The following PDZD2 variants were observed in gnomAD, a reference collection of about 807,000 sequenced individuals.
PDZD2 encodes the protein PDZ domain containing 2, also known as PDZ domain-containing protein 2.
In PDZD2, 90 loss-of-function variants were observed where a neutral mutation model predicts 220.7. The ratio of observed to expected loss-of-function variants is 0.41; its 90% CI spans 0.34 to 0.49. PDZD2 has a LOEUF of 0.49. Among genes scored for constraint, PDZD2 ranks in the 20% least tolerant of loss-of-function variants. The pLI is 0.28. For synonymous variants in PDZD2, 1,375 were observed against 1,450.5 expected (o/e 0.95, Z 1.18); for missense variants, 3,174 against 3,608.5 (o/e 0.88, Z 3.08).
chr5:31,905,102 G>A (rs776201181), intron 2 of PDZD2, among the ~76,000 whole-genome samples: 1 of 152,028 alleles, frequency 6.6e-6, no homozygotes, highest in African/African-American at 2.4e-5. Context: ...TGGAGTAGCT[G>A]GGATTACAGG....
At chr5:32,003,966 C>T (rs1049809487) in intron 5 of PDZD2, among the ~76,000 whole-genome samples, 3 of 152,158 alleles carry the variant, frequency 2.0e-5, no homozygotes, top group African/African-American at 4.8e-5. Context: ...CCCACCTTGG[C>T]CTCCCAAAGT....
chr5:32,005,450 TCG>T (rs1752719796), intron 5 of PDZD2, among the ~76,000 whole-genome samples: 1 of 139,402 alleles, frequency 7.2e-6, no homozygotes, highest in African/African-American at 2.7e-5. Context: ...GATCTCTTGC[TCG>T]CTTTTTTGCT....
chr5:31,688,761 G>T (rs1014109660), intron 1 of PDZD2, among the ~76,000 whole-genome samples: 15 of 152,140 alleles, frequency 9.9e-5, no homozygotes, highest in African/African-American at 3.4e-4. Context: ...AAGAGTGAAT[G>T]AATATACTGC....
At chr5:31,903,335 A>T (rs982812743) in intron 2 of PDZD2, among the ~76,000 whole-genome samples, 3 of 151,904 alleles carry the variant, frequency 2.0e-5, no homozygotes, top group African/African-American at 7.2e-5. Flanking sequence ...AAATATTATT[A>T]TGTAATCTAG....
At chr5:32,020,301 C>A (rs1754097949) in intron 6 of PDZD2, among the ~76,000 whole-genome samples, 1 of 152,126 alleles carries the variant, frequency 6.6e-6, no homozygotes, top group African/African-American at 2.4e-5. Context: ...CCACCATGCC[C>A]AGCCAAAATA....
chr5:31,918,569 G>A (rs4867397), intron 2 of PDZD2, among the ~76,000 whole-genome samples: 140,659 of 152,132 alleles, frequency 0.92, 65,212 homozygotes, highest in East Asian at 0.98. Context: ...TTCTTTTTAA[G>A]TAGTATGGTT....
At chr5:31,689,336 C>T (rs1299695839) in intron 1 of PDZD2, among the ~76,000 whole-genome samples, 1,127 of 54,712 alleles carry the variant, frequency 0.021, 157 homozygotes, top group Middle Eastern at 0.12. Context: ...TATACATATA[C>T]ATATATATAT....
Position 31,879,911 on chromosome 5 carries a change from C to CTTT in PDZD2, c.476+80204_476+80206dup, listed in dbSNP as rs568407359. 9.4e-3 allele frequency among the ~76,000 whole-genome samples: 1,164 copies of CTTT among 124,148 alleles called. 38 individuals are homozygous for CTTT. The highest frequency in any genetic ancestry group is 0.034 in the African/African-American group (1,094 of 31,918). 81.4% of individuals were successfully genotyped at this position (124,148 alleles called of 152,430 possible). ...TTACAGTTTTCTTAGCAATACCTGCCTTTTTTTTTTTTTTTTTTTAACACG... is the reference window on the plus strand; with the variant it reads ...TTACAGTTTTCTTAGCAATACCTGCCTTTTTTTTTTTTTTTTTTTTTTAACACG... On this transcript the variant is annotated intron_variant, in intron 2 of 24. Coordinates refer to ENST00000438447, the MANE Select transcript of PDZD2 (RefSeq NM_178140.4).
At chr5:31,667,904 C>T (rs1176715145) in intron 1 of PDZD2, among the ~76,000 whole-genome samples, 1 of 138,770 alleles carries the variant, frequency 7.2e-6, no homozygotes, top group African/African-American at 2.7e-5. Flanking sequence ...ATCTCTCGCC[C>T]AGGCTGGAGT....
intron 2 of PDZD2, among the ~76,000 whole-genome samples, chr5:31,893,113 T>C (rs984936890): frequency 1.3e-5 from 2 of 152,216 alleles, no homozygotes; most frequent in African/African-American, 4.8e-5. Flanking sequence ...CTATTAAACT[T>C]GTACCCACTG....
Position 32,089,246 on chromosome 5 carries a change from A to G in PDZD2, c.5798A>G (p.Gln1933Arg), listed in dbSNP as rs766049910. The change falls in exon 20 of 25, where the codon CAG becomes CGG. Residue 1933 changes from glutamine to arginine, a missense_variant. By Grantham distance (43) the Gln-to-Arg change is conservative. Coordinates refer to ENST00000438447, the MANE Select transcript of PDZD2 (RefSeq NM_178140.4). The stretch of plus-strand genomic sequence containing the variant: ...AAAACACTTTCTAAGGCAGTGTCAC[A>G]GCGGCTCCATGTAGCCGACCACGAG... ...SHKTLSKAVS[Q>R]RLHVADHEDP... 2.5e-6 allele frequency: 4 copies of G among 1,614,022 alleles called. No homozygotes were observed. In the African/African-American group the frequency reaches 5.3e-5, roughly 22 times the overall value.
chr5:31,714,464 G>A (rs1022382801), intron 1 of PDZD2, among the ~76,000 whole-genome samples: 1 of 152,186 alleles, frequency 6.6e-6, no homozygotes, highest in Non-Finnish European at 1.5e-5. Context: ...TAGTGTCATT[G>A]AGGAGGTAGG....
chr5:32,077,508 G>C lies in PDZD2; in HGVS notation c.3584G>C (p.Ser1195Thr), dbSNP rs1175535636. 1 of 1,614,068 alleles carries C rather than the reference G, an allele frequency of 6.2e-7. No homozygotes were observed. The highest frequency in any genetic ancestry group is 1.3e-5 in the African/African-American group (1 of 75,054). ...LTTGDACVSTSCELASALSHL... is the reference protein window; with the variant it reads ...LTTGDACVSTTCELASALSHL... ...ACTGGAGATGCTTGTGTCTCTACCA[G>C]CTGTGAACTAGCCAGTGCTCTGTCC... Residue 1195 changes from serine (S) to threonine (T), a missense_variant, in exon 19 of 25, where the codon AGC becomes ACC. Ser to Thr is a moderately conservative substitution (Grantham distance 58). Around this residue, in one of 4 missense-constraint regions of PDZD2, gnomAD observed 1,861 missense variants for 2,001.0 expected, o/e 0.93. Transcript: ENST00000438447.
At chr5:32,012,599 G>A (rs1014280950) in intron 6 of PDZD2, among the ~76,000 whole-genome samples, 2 of 151,652 alleles carry the variant, frequency 1.3e-5, no homozygotes, top group African/African-American at 4.8e-5. Flanking sequence ...TGTTGCCCAG[G>A]CTGGTCTCGA....
chr5:31,803,692 C>G lies in PDZD2; in HGVS notation c.476+3968C>G, dbSNP rs190350633. On this transcript the variant is annotated intron_variant, in intron 2 of 24. Transcript: ENST00000438447. ...TGCTATCTTTAGGAATCAGCCACCCCTGGGAGGGGCAGCCTGTCGATGTTC... is the reference window on the plus strand; with the variant it reads ...TGCTATCTTTAGGAATCAGCCACCCGTGGGAGGGGCAGCCTGTCGATGTTC... Among the ~76,000 whole-genome samples, 114 of 152,038 alleles carry G rather than the reference C, an allele frequency of 7.5e-4. 1 individual carries two copies. The highest frequency in any genetic ancestry group is 2.7e-3 in the African/African-American group (113 of 41,456).
intron 2 of PDZD2, among the ~76,000 whole-genome samples, chr5:31,896,552 G>C (rs1741588366): frequency 6.6e-6 from 1 of 152,144 alleles, no homozygotes; most frequent in African/African-American, 2.4e-5. Context: ...CTAAGGGCTG[G>C]ATATTAAATC....
At chr5:31,775,237 T>C (rs116667677) in intron 1 of PDZD2, among the ~76,000 whole-genome samples, 3,046 of 152,266 alleles carry the variant, frequency 0.02, 52 homozygotes, top group Admixed American at 0.029. Flanking sequence ...TACTGTCCTC[T>C]AGTTAGAATT....
intron 2 of PDZD2, among the ~76,000 whole-genome samples, chr5:31,866,480 G>A (rs1738243534): frequency 6.6e-6 from 1 of 152,154 alleles, no homozygotes; most frequent in Non-Finnish European, 1.5e-5. Flanking sequence ...CCTGCAGAAG[G>A]TGGTGATGGC....
intron 2 of PDZD2, among the ~76,000 whole-genome samples, chr5:31,817,607 T>G (rs1755548672): frequency 6.6e-6 from 1 of 152,244 alleles, no homozygotes; most frequent in South Asian, 2.1e-4. Context: ...TATATTTAAC[T>G]ACATAGCTTT....
Sources: gnomAD v4.1 joint callset for allele counts (sites outside exome capture counted in the v4.1 genomes callset) on GRCh38, gnomAD v4.1.1 for gene constraint, gnomAD v4.1.1 regional missense constraint, MANE v1.5 for transcripts, NCBI Gene and HGNC (gene_info 2026-07-23, HGNC 2026-07-21) for gene names.